Variants in ACSM3 observed in about 807,000 individuals in gnomAD.
ACSM3 encodes the protein acyl-coenzyme A synthetase ACSM3, mitochondrial.
In ACSM3, 61 loss-of-function variants were observed where a neutral mutation model predicts 74.1. That is an observed-to-expected ratio of 0.82 (90% CI 0.67 to 1.02). The LOEUF (loss-of-function observed/expected upper bound fraction) is 1.02. Ranked by LOEUF, ACSM3 falls within the 50% of genes least tolerant of loss-of-function variation. The pLI, the probability that ACSM3 is intolerant of heterozygous loss-of-function variation, is 0.00. For missense variants in ACSM3, 660 were observed against 697.0 expected, an observed-to-expected ratio of 0.95 and a Z score of 0.60; for synonymous variants, 213 against 241.5, an observed-to-expected ratio of 0.88 and a Z score of 1.09.
intron 1 of ACSM3, among the ~76,000 whole-genome samples, chr16:20,729,748 C>T (rs1019748449): frequency 1.3e-5 from 2 of 149,438 alleles, no homozygotes. Context: ...CTTTTGAAGG[C>T]AAGTGACAGA....
intron 1 of ACSM3, among the ~76,000 whole-genome samples, chr16:20,749,111 G>A (rs1259953347): frequency 6.6e-6 from 1 of 151,934 alleles, no homozygotes; most frequent in African/African-American, 2.4e-5. Context: ...TGTGTAATAT[G>A]AACTAACTTA....
intron 1 of ACSM3, among the ~76,000 whole-genome samples, chr16:20,677,807 T>A (rs2152294115): frequency 6.6e-6 from 1 of 152,050 alleles, no homozygotes; most frequent in South Asian, 2.1e-4. Context: ...AAAAGACAAA[T>A]ATTTACACAG....
In ACSM3 at chr16:20,697,011, C is replaced by T. The variant is rs547770586; in HGVS notation, c.-190+22189C>T. Among the ~76,000 whole-genome samples, 19 of 152,222 alleles carry T rather than the reference C, an allele frequency of 1.2e-4. No homozygotes were observed. In the East Asian group the frequency reaches 1.7e-3, roughly 14 times the overall value. On this transcript the variant is annotated intron_variant, in intron 1 of 3. Transcript: ENST00000561584. ...ACTTGCTGGCACTGAATGAAGTGCA[C>T]GGTAAGGACTCAATAAATGTTGAGG...
chr16:20,693,385 C>A (rs1471936075), intron 1 of ACSM3, among the ~76,000 whole-genome samples: 1 of 152,080 alleles, frequency 6.6e-6, no homozygotes, highest in South Asian at 2.1e-4. Flanking sequence ...TTATTAGGAT[C>A]CTTCTTGAAG....
chr16:20,789,469 G>A (rs758334537), intron 9 of ACSM3: 14 of 1,599,026 alleles, frequency 8.8e-6, no homozygotes, highest in Non-Finnish European at 1.2e-5. Context: ...CAAGGCTGTG[G>A]CTTACTTACC....
At chr16:20,771,675 T>C (rs1361196632) in intron 2 of ACSM3, among the ~76,000 whole-genome samples, 1 of 152,212 alleles carries the variant, frequency 6.6e-6, no homozygotes, top group Non-Finnish European at 1.5e-5. Flanking sequence ...TTGGCTATTA[T>C]GTACAGTGCT....
chr16:20,717,956 G>GGAAGAAGAAGAAGAA lies in ACSM3; in HGVS notation c.-189-31896_-189-31882dup, dbSNP rs746227909. Reference sequence around the variant, plus strand: ...GAGAAGGAGAAGAGGAAGAGGAAGAGGAAGAAGAAGAAGAAGAAGAAGAAG... The same window carrying GGAAGAAGAAGAAGAA: ...GAGAAGGAGAAGAGGAAGAGGAAGAGGAAGAAGAAGAAGAAGAAGAAGAAGAAGAAGAAGAAGAAG... On this transcript the variant is annotated intron_variant, in intron 1 of 3. Coordinates refer to the ACSM3 transcript ENST00000561584. Among the ~76,000 whole-genome samples, 368 of 74,412 alleles carry GGAAGAAGAAGAAGAA rather than the reference G, an allele frequency of 4.9e-3. 4 individuals carry two copies. Among genetic ancestry groups the GGAAGAAGAAGAAGAA allele is most frequent in the East Asian group, 0.016 (40 of 2,452 alleles). The allele number at this position is 74,412 out of a possible 152,430, so 48.8% of individuals were successfully genotyped here.
At chr16:20,748,028 T>C (rs937325547) in intron 1 of ACSM3, among the ~76,000 whole-genome samples, 2 of 152,038 alleles carry the variant, frequency 1.3e-5, no homozygotes, top group African/African-American at 4.8e-5. Context: ...TCCCAGCTAC[T>C]TGGGGGGCTG....
At position 20,775,980 on chromosome 16, in the gene ACSM3, G is replaced by C. The variant is rs779955309; in HGVS notation, c.361G>C (p.Asp121His). ...LSEACSLQRG[D>H]RVILILPRVP... is the part of the protein sequence containing the mutation. ...AGAAGCCTGTTCCCTACAAAGAGGA[G>C]ATCGGGTAATTCTGATTCTGCCCAG... The change falls in exon 3 of 14, where the codon GAT becomes CAT. Residue 121 changes from aspartate to histidine, a missense_variant. Physicochemically the swap from Asp to His is moderately conservative, Grantham distance 81 (BLOSUM62 -1). Transcript: ENST00000289416. The C allele has an allele frequency of 6.2e-7, 1 of 1,614,184 alleles. No individual in the cohort carries two copies. Among genetic ancestry groups the C allele is most frequent in the Non-Finnish European group, 8.5e-7 (1 of 1,180,030 alleles).
rs568532255 is a variant in ACSM3 at position 20,685,481 on chromosome 16, G to GTCAC, written c.-190+10660_-190+10663dup. The GTCAC allele has an allele frequency of 8.7e-4, 1,156 of 1,336,088 alleles. 8 individuals are homozygous for GTCAC. In the African/African-American group the frequency reaches 0.014, roughly 17 times the overall value. 82.8% of individuals were successfully genotyped at this position (1,336,088 alleles called of 1,614,324 possible). On this transcript the variant is annotated intron_variant, in intron 1 of 3. Transcript: ENST00000561584. ...CTTAGTAAACTAATCCACAGCCATA[G>GTCAC]TCACGTTCCAATGTGAACACAGCTT...
At chr16:20,752,552 T>G (rs2079996863) in intron 2 of ACSM3, among the ~76,000 whole-genome samples, 1 of 152,234 alleles carries the variant, frequency 6.6e-6, no homozygotes, top group African/African-American at 2.4e-5. Flanking sequence ...ATAAGAATTA[T>G]TCCAATCACT....
chr16:20,752,821 A>G (rs1288177700), intron 2 of ACSM3, among the ~76,000 whole-genome samples: 1 of 152,262 alleles, frequency 6.6e-6, no homozygotes. Flanking sequence ...GAGAGCCAAC[A>G]CAACATTATG....
chr16:20,783,520 A>G (rs927914283), intron 7 of ACSM3: 5 of 152,206 alleles, frequency 3.3e-5, no homozygotes, highest in Non-Finnish European at 5.9e-5. Flanking sequence ...ATTTTGGAGC[A>G]CTTTGGATTT....
intron 1 of ACSM3, chr16:20,685,360 C>T (rs2152319381): frequency 6.2e-7 from 1 of 1,614,200 alleles, no homozygotes. Flanking sequence ...ATCCCCTTGG[C>T]CATTCACCCA....
intron 1 of ACSM3, chr16:20,739,067 G>A (rs762100021): frequency 6.2e-7 from 1 of 1,614,018 alleles, no homozygotes; most frequent in Non-Finnish European, 8.5e-7. Context: ...ATCCTTGTCT[G>A]TAAACTGTTT....
intron 1 of ACSM3, among the ~76,000 whole-genome samples, chr16:20,695,669 T>C (rs1242401734): frequency 6.9e-6 from 1 of 144,352 alleles, no homozygotes; most frequent in Admixed American, 7.2e-5. Flanking sequence ...ACCTATTTTC[T>C]ATCTATCTAT....
chr16:20,732,847 A>G (rs1205249141), intron 1 of ACSM3: 1 of 155,074 alleles, frequency 6.4e-6, no homozygotes, highest in Admixed American at 6.6e-5. Flanking sequence ...GCTCTCTCCT[A>G]TTGCACTGAC....
intron 13 of ACSM3, 117 bp downstream of exon 13, chr16:20,796,606 A>G: frequency 7.1e-6 from 11 of 1,543,544 alleles, no homozygotes; most frequent in Non-Finnish European, 9.5e-6. Flanking sequence ...TCCCAAACTG[A>G]ACTGATGACA....
intron 1 of ACSM3, among the ~76,000 whole-genome samples, chr16:20,726,379 C>T (rs953465236): frequency 1.3e-5 from 2 of 152,206 alleles, no homozygotes; most frequent in African/African-American, 4.8e-5. Context: ...TCCTCTTTTG[C>T]CAACAAAGTG....
Sources: gnomAD v4.1 joint callset for allele counts (sites outside exome capture counted in the v4.1 genomes callset) on GRCh38, gnomAD v4.1.1 for gene constraint, MANE v1.5 for transcripts, NCBI Gene and HGNC (gene_info 2026-07-23, HGNC 2026-07-21) for gene names.